Variants in ZNF565 observed in about 807,000 individuals in gnomAD.
ZNF565 encodes the protein zinc finger protein 565.
Under a neutral mutation model 39.4 loss-of-function variants are expected in ZNF565, and 27 were observed. That is an observed-to-expected ratio of 0.69 (90% CI 0.51 to 0.95). ZNF565 has a LOEUF of 0.95. Among genes scored for constraint, ZNF565 ranks in the 40% least tolerant of loss-of-function variants. The pLI, the probability that ZNF565 is intolerant of heterozygous loss-of-function variation, is 0.00. For synonymous variants in ZNF565, 185 were observed against 216.6 expected, an observed-to-expected ratio of 0.85 and a Z score of 1.28; for missense variants, 524 against 621.1, an observed-to-expected ratio of 0.84 and a Z score of 1.66.
At chr19:36,223,508 G>T (rs144577512) in intron 1 of ZNF565, among the ~76,000 whole-genome samples, 6 of 151,850 alleles carry the variant, frequency 4.0e-5, no homozygotes, top group African/African-American at 1.2e-4. Flanking sequence ...GACTACAGGC[G>T]CATGCCACCA....
intron 1 of ZNF565, among the ~76,000 whole-genome samples, chr19:36,205,728 C>T (rs1347534596): frequency 6.6e-6 from 1 of 151,248 alleles, no homozygotes; most frequent in Non-Finnish European, 1.5e-5. Flanking sequence ...TTTTCAGGCA[C>T]GAAGAGGGCC....
rs188204161 is a variant in ZNF565, at chr19:36,226,310, C to T, written c.55+19166G>A. On this transcript the variant is annotated intron_variant, in intron 1 of 4. Coordinates refer to the ZNF565 transcript ENST00000355114. Reference sequence around the variant, plus strand: ...TCTCGTGTTTCTGTCATGTATGTTTCGGTTTAAATCATGCTCTAAGCCTTA... The same window carrying T: ...TCTCGTGTTTCTGTCATGTATGTTTTGGTTTAAATCATGCTCTAAGCCTTA... 4.3e-4 allele frequency among the ~76,000 whole-genome samples: 65 copies of T among 152,296 alleles called. 2 individuals are homozygous for T. The highest frequency in any genetic ancestry group is 4.1e-3 in the Admixed American group (62 of 15,294).
chr19:36,242,075 G>T (rs1036169250), intron 1 of ZNF565, among the ~76,000 whole-genome samples: 1 of 152,198 alleles, frequency 6.6e-6, no homozygotes, highest in African/African-American at 2.4e-5. Flanking sequence ...ACACTATCAA[G>T]AAACTGAAGT....
upstream of ZNF565, among the ~76,000 whole-genome samples, chr19:36,216,042 C>A (rs1286197799): frequency 6.6e-6 from 1 of 152,108 alleles, no homozygotes; most frequent in Non-Finnish European, 1.5e-5. Context: ...GAAATCACCC[C>A]GCCCCCGCTG....
upstream of ZNF565, among the ~76,000 whole-genome samples, chr19:36,216,593 G>A (rs1300229700): frequency 2.5e-5 from 3 of 118,682 alleles, no homozygotes; most frequent in African/African-American, 8.9e-5. Context: ...GGGAGGCGGA[G>A]GTTGCAGTGA....
rs1975125787 is a variant in ZNF565, at chr19:36,182,652, CTGA to C, written c.1311_1313del (p.His437del). ...AGGGTTTCTCACAAGTGTGAATTCG[CTGA>C]TGATGAGTCAGTTGTGAAACACGAA... On this transcript the variant is annotated inframe_deletion, in exon 5 of 5. Coordinates refer to ENST00000304116, the MANE Select transcript of ZNF565 (RefSeq NM_152477.5). The C allele has an allele frequency of 2.5e-6, 4 of 1,614,094 alleles. No homozygotes were observed. The highest frequency in any genetic ancestry group is 3.4e-6 in the Non-Finnish European group (4 of 1,179,950).
rs551094048 is a variant in ZNF565 at position 36,183,338 on chromosome 19, G to A, written c.628C>T (p.Leu210Phe). ...CGKAFSRASH[L>F]VQHQRIHTGE... ...GTGTGAATTCTCTGATGCTGAACAA[G>A]GTGTGAGGCACGGCTGAAGGCCTTC... The change falls in exon 5 of 5, where the codon CTT becomes TTT. Residue 210 changes from leucine to phenylalanine, a missense_variant. Physicochemically the swap from Leu to Phe is conservative, Grantham distance 22. Coordinates refer to ENST00000304116, the MANE Select transcript of ZNF565 (RefSeq NM_152477.5). 1.9e-6 allele frequency: 3 copies of A among 1,614,144 alleles called. No individual in the cohort carries two copies. Among genetic ancestry groups the A allele is most frequent in the East Asian group, 4.5e-5 (2 of 44,874 alleles).
chr19:36,201,389 C>CA (rs1457478219), intron 2 of ZNF565, among the ~76,000 whole-genome samples: 1 of 152,144 alleles, frequency 6.6e-6, no homozygotes, highest in African/African-American at 2.4e-5. Flanking sequence ...TGTTTGGCCC[C>CA]ATTCAACCAC....
rs768267075 is a variant in ZNF565, at chr19:36,183,575, C to T, written c.391G>A (p.Glu131Lys). 149 of 1,614,072 alleles carry T rather than the reference C, an allele frequency of 9.2e-5. No individual in the cohort carries two copies. Among genetic ancestry groups the T allele is most frequent in the Non-Finnish European group, 1.2e-4 (144 of 1,180,044 alleles). ...CEGQFERQVN[E>K]ECYFKQVNVT... ...TTCACTTGCTTAAAATAGCACTCTT[C>T]ATTGACTTGTCTCTCAAACTGGCCT... is the stretch of plus-strand genomic sequence containing the variant. The change falls in exon 5 of 5, where the codon GAA (glutamate) becomes AAA (lysine). Residue 131 changes from glutamate to lysine, a missense_variant. Physicochemically the swap from Glu to Lys is moderately conservative, Grantham distance 56. Coordinates refer to ENST00000304116, the MANE Select transcript of ZNF565 (RefSeq NM_152477.5).
intron 2 of ZNF565, among the ~76,000 whole-genome samples, chr19:36,198,214 G>A (rs1158242606): frequency 6.6e-6 from 1 of 152,066 alleles, no homozygotes; most frequent in Non-Finnish European, 1.5e-5. Context: ...GTCCACAATA[G>A]CCAAGATTTG....
At chr19:36,224,209 C>T (rs1036273099) in intron 1 of ZNF565, among the ~76,000 whole-genome samples, 5 of 152,168 alleles carry the variant, frequency 3.3e-5, no homozygotes, top group African/African-American at 1.2e-4. Context: ...TGGAGAAACC[C>T]TGTCTCTACT....
At chr19:36,206,004 G>A (rs960043628) in intron 1 of ZNF565, among the ~76,000 whole-genome samples, 9 of 148,980 alleles carry the variant, frequency 6.0e-5, no homozygotes, top group Non-Finnish European at 1.0e-4. Flanking sequence ...CTCTGTCACC[G>A]AGGCTGGAGT....
At chr19:36,232,069 G>T (rs1977399360) in intron 1 of ZNF565, among the ~76,000 whole-genome samples, 1 of 151,818 alleles carries the variant, frequency 6.6e-6, no homozygotes, top group African/African-American at 2.4e-5. Flanking sequence ...TGGGCGTGGT[G>T]ATGCACACCT....
At chr19:36,239,462 A>G (rs946871425) in intron 1 of ZNF565, among the ~76,000 whole-genome samples, 2 of 151,766 alleles carry the variant, frequency 1.3e-5, no homozygotes, top group Admixed American at 6.6e-5. Flanking sequence ...AGCTGGGACT[A>G]CAGGCACGCA....
intron 4 of ZNF565, among the ~76,000 whole-genome samples, chr19:36,184,683 C>G (rs191025063): frequency 2.4e-4 from 36 of 152,322 alleles, no homozygotes; most frequent in Middle Eastern, 3.4e-3. Context: ...AATTCTGTCT[C>G]TATAAATTTG....
At chr19:36,202,271 G>A (rs1259698558) in intron 1 of ZNF565, among the ~76,000 whole-genome samples, 4 of 152,110 alleles carry the variant, frequency 2.6e-5, no homozygotes, top group African/African-American at 9.7e-5. Flanking sequence ...GGAGGCTGAG[G>A]CACAAGAATT....
intron 4 of ZNF565, among the ~76,000 whole-genome samples, chr19:36,187,245 G>A (rs963641949): frequency 2.0e-5 from 3 of 151,962 alleles, no homozygotes; most frequent in Non-Finnish European, 4.4e-5. Context: ...GTTAAGCAGG[G>A]TAGCTCTATA....
chr19:36,232,889 A>G (rs1436081519), intron 1 of ZNF565, among the ~76,000 whole-genome samples: 1 of 152,030 alleles, frequency 6.6e-6, no homozygotes, highest in African/African-American at 2.4e-5. Context: ...CAGCCATTCA[A>G]TTATTTTTTC....
At chr19:36,192,757 C>T (rs1392439124) in intron 4 of ZNF565, among the ~76,000 whole-genome samples, 3 of 151,714 alleles carry the variant, frequency 2.0e-5, no homozygotes, top group African/African-American at 7.3e-5. Context: ...CCACCTTGGC[C>T]TCCCAAAGTG....
Sources: allele counts gnomAD v4.1 joint callset (sites outside exome capture counted in the v4.1 genomes callset), GRCh38; gene constraint gnomAD v4.1.1; transcripts MANE v1.5; gene names NCBI Gene and HGNC (gene_info 2026-07-23, HGNC 2026-07-21).